PLCZ1: variants seen among roughly 807,000 people sequenced by gnomAD.
PLCZ1 encodes the protein phospholipase C zeta 1.
A neutral mutation model predicts 76.8 loss-of-function variants in PLCZ1; 64 were observed. The ratio of observed to expected loss-of-function variants is 0.83; its 90% CI spans 0.68 to 1.03. The LOEUF (loss-of-function observed/expected upper bound fraction) is 1.03. PLCZ1 is among the 50% of genes least tolerant of loss of function. The pLI is 0.00. For synonymous variants in PLCZ1, 248 were observed against 230.8 expected (o/e 1.07, Z -0.68); for missense variants, 751 against 713.7 (o/e 1.05, Z -0.60).
chr12:18,653,948 A>G, the PLCZ1 span, among the ~76,000 whole-genome samples: 1 of 152,142 alleles, frequency 6.6e-6, no homozygotes, highest in South Asian at 2.1e-4. Flanking sequence ...TTCTGGCTCC[A>G]TGATTCCGAT....
At position 18,695,011 on chromosome 12, in the gene PLCZ1, C is replaced by G; in HGVS notation, c.1360G>C (p.Gly454Arg). ...LQNGKFLDNGGSGYILKPHFL... is the reference protein window; with the variant it reads ...LQNGKFLDNGRSGYILKPHFL... Reference sequence around the variant, plus strand: ...TGTGGTTTCAAAATATATCCAGAACCACCATTATCCAAAAATTTCCCATTT... The same window carrying G: ...TGTGGTTTCAAAATATATCCAGAACGACCATTATCCAAAAATTTCCCATTT... The change falls in exon 12 of 15, where the codon GGT (glycine) becomes CGT (arginine). Residue 454 changes from glycine to arginine, a missense_variant. Physicochemically the swap from Gly to Arg is moderately radical, Grantham distance 125. Transcript: ENST00000266505. The G allele has an allele frequency of 1.2e-6, 2 of 1,612,190 alleles. No homozygotes were observed. The highest frequency in any genetic ancestry group is 2.2e-5 in the East Asian group (1 of 44,782).
chr12:18,681,332 A>G (rs1952393324), downstream of PLCZ1, among the ~76,000 whole-genome samples: 1 of 152,050 alleles, frequency 6.6e-6, no homozygotes, highest in African/African-American at 2.4e-5. Flanking sequence ...TAAAGTTTAA[A>G]AAATCTTCTG....
chr12:18,701,707 C>A lies in PLCZ1; in HGVS notation c.934G>T (p.Gly312Cys), dbSNP rs780146013. The A allele has an allele frequency of 6.2e-7, 1 of 1,611,774 alleles. No individual in the cohort carries two copies. The highest frequency in any genetic ancestry group is 8.5e-7 in the Non-Finnish European group (1 of 1,178,814). Residue 312 changes from glycine (G) to cysteine (C), a missense_variant, in exon 8 of 15, where the codon GGT (glycine) becomes TGT (cysteine). Gly to Cys is a radical substitution (Grantham distance 159, BLOSUM62 -3). Coordinates refer to ENST00000266505, the MANE Select transcript of PLCZ1 (RefSeq NM_033123.4). ...TCCACCTTACCACGCTTATCAGAACCTTTTCTTTCATGGGTTTCCTTTAAG... is the reference window on the plus strand; with the variant it reads ...TCCACCTTACCACGCTTATCAGAACATTTTCTTTCATGGGTTTCCTTTAAG... Reference protein sequence around the residue: ...GTLKETHERKGSDKRGDNQDK... With the variant: ...GTLKETHERKCSDKRGDNQDK...
In PLCZ1 at chr12:18,723,479, T is replaced by A; in HGVS notation, c.199A>T (p.Ile67Phe). Residue 67 changes from isoleucine to phenylalanine, a missense_variant, in exon 4 of 15, where the codon ATC becomes TTC. Coordinates refer to ENST00000266505, the MANE Select transcript of PLCZ1 (RefSeq NM_033123.4). The stretch of plus-strand genomic sequence containing the variant: ...TCAATAATTTCTTCTCTGTGCGTGA[T>A]AATTCGATAAATTGCTCTAAATTCT... ...IEEFRAIYRI[I>F]THREEIIEIF... 2 of 1,613,052 alleles carry A rather than the reference T, an allele frequency of 1.2e-6. No homozygotes were observed. The highest frequency in any genetic ancestry group is 8.5e-7 in the Non-Finnish European group (1 of 1,179,476).
chr12:18,722,973 T>A (rs936666460), intron 4 of PLCZ1, among the ~76,000 whole-genome samples: 1 of 152,024 alleles, frequency 6.6e-6, no homozygotes, highest in African/African-American at 2.4e-5. Context: ...ATCTTATTCA[T>A]GAGATCAAGA....
intron 6 of PLCZ1, 83 bp downstream of exon 6, chr12:18,712,759 C>T: frequency 6.7e-7 from 1 of 1,500,340 alleles, no homozygotes; most frequent in African/African-American, 1.4e-5. Context: ...TAAAGTAAGG[C>T]TAAGCATTAT....
At chr12:18,664,502 T>C in the PLCZ1 span, among the ~76,000 whole-genome samples, 60,928 of 152,018 alleles carry the variant, frequency 0.4, 14,269 homozygotes, top group South Asian at 0.59. Flanking sequence ...TTATGCTAAG[T>C]GAAATAAGAA....
chr12:18,653,589 G>A, the PLCZ1 span, among the ~76,000 whole-genome samples: 3 of 152,124 alleles, frequency 2.0e-5, no homozygotes, highest in Non-Finnish European at 4.4e-5. Flanking sequence ...TTGTATGTGT[G>A]CATGCTATTT....
At chr12:18,659,877 A>G in the PLCZ1 span, among the ~76,000 whole-genome samples, 1 of 152,118 alleles carries the variant, frequency 6.6e-6, no homozygotes, top group South Asian at 2.1e-4. Context: ...TAGTTGACTT[A>G]CTCTATAAGA....
At chr12:18,729,960 C>T (rs780887607) in intron 3 of PLCZ1, among the ~76,000 whole-genome samples, 7 of 152,040 alleles carry the variant, frequency 4.6e-5, no homozygotes, top group East Asian at 1.9e-4. Context: ...ACTGATGCAG[C>T]GTCTACATAT....
intron 13 of PLCZ1, among the ~76,000 whole-genome samples, chr12:18,685,956 T>C (rs1477501542): frequency 6.6e-6 from 1 of 151,904 alleles, no homozygotes; most frequent in Non-Finnish European, 1.5e-5. Context: ...CCAAATTTGA[T>C]AGTGATGAAA....
Position 18,723,471 on chromosome 12 carries a change from G to A in PLCZ1, c.207C>T (p.His69=), listed in dbSNP as rs1958571856. ...EFRAIYRIIT[H]REEIIEIFNT... is the part of the protein sequence containing the mutation. ...TGAAAATCTCAATAATTTCTTCTCT[G>A]TGCGTGATAATTCGATAAATTGCTC... The change falls in exon 4 of 15, where the codon CAC becomes CAT. Residue 69 remains histidine, a synonymous_variant. Coordinates refer to ENST00000266505, the MANE Select transcript of PLCZ1 (RefSeq NM_033123.4). The A allele has an allele frequency of 1.2e-6, 2 of 1,612,954 alleles. No homozygotes were observed. The highest frequency in any genetic ancestry group is 4.5e-5 in the East Asian group (2 of 44,778).
chr12:18,658,374 C>A, the PLCZ1 span, among the ~76,000 whole-genome samples: 3 of 152,106 alleles, frequency 2.0e-5, no homozygotes, highest in Non-Finnish European at 2.9e-5. Context: ...TAACAAGATT[C>A]ACAATGAGAC....
intron 5 of PLCZ1, among the ~76,000 whole-genome samples, chr12:18,713,253 G>A (rs1957555000): frequency 6.6e-6 from 1 of 152,016 alleles, no homozygotes; most frequent in African/African-American, 2.4e-5. Context: ...TACAAGGCTT[G>A]GTTTTCAGTA....
At chr12:18,701,874 A>T in intron 7 of PLCZ1, 98 bp from the exon 8 acceptor site, 1 of 1,497,492 alleles carries the variant, frequency 6.7e-7, no homozygotes. Flanking sequence ...CAATTAGCCT[A>T]CAGTAATAAG....
intron 5 of PLCZ1, chr12:18,715,709 A>G (rs1957909939): frequency 6.6e-6 from 1 of 152,180 alleles, no homozygotes; most frequent in Non-Finnish European, 1.5e-5. Context: ...CACCCACACT[A>G]AAGTGCAGCC....
chr12:18,654,147 T>C, the PLCZ1 span, among the ~76,000 whole-genome samples: 3 of 151,856 alleles, frequency 2.0e-5, no homozygotes, highest in African/African-American at 7.3e-5. Context: ...TGGGCAGATA[T>C]GAAGGGGAAA....
At position 18,686,163 on chromosome 12, in the gene PLCZ1, T is replaced by C. The variant is rs1305320173; in HGVS notation, c.1592-1884A>G. Among the ~76,000 whole-genome samples, 4 of 151,904 alleles carry C rather than the reference T, an allele frequency of 2.6e-5. No homozygotes were observed. The East Asian group carries it at 5.8e-4, about 22-fold the overall frequency. On this transcript the variant is annotated intron_variant, in intron 13 of 14. Coordinates refer to ENST00000266505, the MANE Select transcript of PLCZ1 (RefSeq NM_033123.4). ...TTTCCTACTGCCACGGCCTCCTTTA[T>C]ACCATGACTTTTATATCCTCTAACC...
chr12:18,653,054 C>T, the PLCZ1 span, among the ~76,000 whole-genome samples: 11 of 152,014 alleles, frequency 7.2e-5, no homozygotes, highest in Admixed American at 4.6e-4. Context: ...CTTAAAGTCT[C>T]CTCGAAACTT....
Sources: gnomAD v4.1 joint callset for allele counts (sites outside exome capture counted in the v4.1 genomes callset) on GRCh38, gnomAD v4.1.1 for gene constraint, MANE v1.5 for transcripts, NCBI Gene and HGNC (gene_info 2026-07-23, HGNC 2026-07-21) for gene names.